Variants in PPP1R37 observed in about 807,000 individuals in gnomAD.
PPP1R37 encodes protein phosphatase 1 regulatory subunit 37.
PPP1R37 carries 21 observed loss-of-function variants against 61.0 expected under a neutral mutation model. The observed-to-expected ratio is 0.34, with a 90% confidence interval of 0.24 to 0.50. The LOEUF (loss-of-function observed/expected upper bound fraction) is 0.50, where lower values mean the gene tolerates loss of function less well. Ranked by LOEUF, PPP1R37 falls within the 20% of genes least tolerant of loss-of-function variation. PPP1R37 has a pLI of 0.98. For synonymous variants in PPP1R37, 443 were observed against 433.5 expected, an observed-to-expected ratio of 1.02 and a Z score of -0.27; for missense variants, 910 against 952.7, an observed-to-expected ratio of 0.96 and a Z score of 0.59.
Position 45,093,286 on chromosome 19 carries a change from G to A in PPP1R37, c.-40G>A. 7.4e-7 allele frequency: 1 copy of A among 1,357,114 alleles called. No homozygotes were observed. Among genetic ancestry groups the A allele is most frequent in the African/African-American group, 1.5e-5 (1 of 64,810 alleles). The allele number at this position is 1,357,114 out of a possible 1,614,324, so 84.1% of individuals were successfully genotyped here. ...CCGGAGAGACAAATCCGGGGCCCGG[G>A]GCATGTCCCCGGGGCCCCCGTGAGG... is the stretch of plus-strand genomic sequence containing the variant. On this transcript the variant is annotated 5_prime_UTR_variant, in exon 1 of 13. Coordinates refer to ENST00000221462, the MANE Select transcript of PPP1R37 (RefSeq NM_019121.2).
chr19:45,130,092 G>A lies in PPP1R37; in HGVS notation c.203-8422G>A, dbSNP rs556276186. On this transcript the variant is annotated intron_variant, in intron 1 of 12. Transcript: ENST00000221462. The surrounding 1 kb of genome is among the most constrained non-coding windows in gnomAD (Gnocchi z 4.4). Reference sequence around the variant, plus strand: ...AAGCAGGGGGATGCCTGGGCTGCAGGCATTGACTCGCCTGTGTCCCACAAC... The same window carrying A: ...AAGCAGGGGGATGCCTGGGCTGCAGACATTGACTCGCCTGTGTCCCACAAC... Among the ~76,000 whole-genome samples the A allele has an allele frequency of 9.9e-5, 15 of 152,238 alleles. No individual in the cohort carries two copies. In the South Asian group the frequency reaches 3.1e-3, roughly 32 times the overall value.
chr19:45,093,653 G>A, intron 1 of PPP1R37, 126 bp downstream of exon 1: 1 of 663,378 alleles, frequency 1.5e-6, no homozygotes, highest in Non-Finnish European at 2.5e-6. Context: ...GGGGACAGTC[G>A]TCAGTTTAGA....
At chr19:45,139,064 C>T (rs1968576187) in intron 2 of PPP1R37, among the ~76,000 whole-genome samples, 2 of 151,894 alleles carry the variant, frequency 1.3e-5, no homozygotes, top group Admixed American at 1.3e-4. Context: ...CATGTGCACG[C>T]CACCATGCCC....
intron 1 of PPP1R37, among the ~76,000 whole-genome samples, chr19:45,127,962 G>A (rs1427455941): frequency 1.1e-4 from 15 of 139,892 alleles, no homozygotes; most frequent in Middle Eastern, 4.1e-3. Flanking sequence ...GCAACAGAGC[G>A]AGACTCCATC....
In PPP1R37 at chr19:45,093,426, C is replaced by G. The variant is rs903839617; in HGVS notation, c.101C>G (p.Pro34Arg). ...GGGTCTCCCAGCCCCGCGTCGCCCC[C>G]CGCCGATGGGCGCCTCAAGGCTGCA... Reference protein sequence around the residue: ...EAGSPSPASPPADGRLKAAAK... With the variant: ...EAGSPSPASPRADGRLKAAAK... The change falls in exon 1 of 13, where the codon CCC (proline) becomes CGC (arginine). Residue 34 changes from proline to arginine, a missense_variant. By Grantham distance (103) the Pro-to-Arg change is moderately radical. Transcript: ENST00000221462. The G allele has an allele frequency of 6.5e-7, 1 of 1,534,994 alleles. No homozygotes were observed. The highest frequency in any genetic ancestry group is 8.7e-7 in the Non-Finnish European group (1 of 1,146,492).
intron 1 of PPP1R37, among the ~76,000 whole-genome samples, chr19:45,105,251 G>A (rs187191760): frequency 7.9e-5 from 12 of 152,296 alleles, no homozygotes; most frequent in East Asian, 7.7e-4. Context: ...GCTTTAGGGA[G>A]GGGAGTACAA....
At position 45,145,677 on chromosome 19, in the gene PPP1R37, G is replaced by A; in HGVS notation, c.1621G>A (p.Gly541Arg). The A allele has an allele frequency of 1.3e-6, 2 of 1,535,078 alleles. No individual in the cohort carries two copies. Among genetic ancestry groups the A allele is most frequent in the Admixed American group, 2.0e-5 (1 of 50,846 alleles). The change falls in exon 11 of 13, where the codon GGG becomes AGG. Residue 541 changes from glycine to arginine, a missense_variant. Around this residue, in one of 3 missense-constraint regions of PPP1R37, gnomAD observed 549 missense variants for 505.1 expected, o/e 1.09. Coordinates refer to ENST00000221462, the MANE Select transcript of PPP1R37 (RefSeq NM_019121.2). ...LVPPTDSLGP[G>R]DRSPPGSPST... ...GCCCCCCACGGACTCCCTGGGCCCT[G>A]GGGACAGGAGTCCCCCAGGCAGCCC...
At chr19:45,123,572 C>T (rs542794232) in intron 1 of PPP1R37, among the ~76,000 whole-genome samples, 5 of 152,288 alleles carry the variant, frequency 3.3e-5, no homozygotes, top group South Asian at 4.1e-4. Context: ...TCCCTCTGTC[C>T]GCTCCCACAG....
chr19:45,127,923 C>T (rs1968427624), intron 1 of PPP1R37, among the ~76,000 whole-genome samples: 2 of 145,950 alleles, frequency 1.4e-5, no homozygotes, highest in South Asian at 4.4e-4. Flanking sequence ...TGCAGTGAGC[C>T]GAGATCGTGC....
chr19:45,093,742 C>A (rs942314846), intron 1 of PPP1R37, among the ~76,000 whole-genome samples: 1 of 152,088 alleles, frequency 6.6e-6, no homozygotes, highest in Non-Finnish European at 1.5e-5. Context: ...CCCCACCCAC[C>A]CGAGACAAAG....
chr19:45,143,170 C>T (rs1782593383), intron 7 of PPP1R37: 2 of 226,738 alleles, frequency 8.8e-6, no homozygotes, highest in Admixed American at 5.2e-5. Context: ...AGAGAGACAA[C>T]GATAAGATGA....
chr19:45,140,944 GC>G (rs1410243547), intron 4 of PPP1R37, among the ~76,000 whole-genome samples: 2 of 152,128 alleles, frequency 1.3e-5, no homozygotes, highest in Non-Finnish European at 2.9e-5. Flanking sequence ...TCTGAGAGCA[GC>G]CTCCCATCAA....
chr19:45,097,654 C>A (rs1457399926), intron 1 of PPP1R37, among the ~76,000 whole-genome samples: 1 of 151,998 alleles, frequency 6.6e-6, no homozygotes, highest in African/African-American at 2.4e-5. Context: ...TCCGGATTCC[C>A]ATCTCCCACA....
At chr19:45,102,884 C>G (rs1035380765) in intron 1 of PPP1R37, among the ~76,000 whole-genome samples, 1 of 152,240 alleles carries the variant, frequency 6.6e-6, no homozygotes, top group Non-Finnish European at 1.5e-5. Flanking sequence ...GAGCCCACGT[C>G]AGGCTCCTGG....
rs1489024712 is a variant in PPP1R37, at chr19:45,107,388, G to A, written c.202+13861G>A. Reference sequence around the variant, plus strand: ...AAGCCAAGGTGGGCAGATCATTTGAGCCCAGGAGTTCGAGACCAGCCTGGA... The same window carrying A: ...AAGCCAAGGTGGGCAGATCATTTGAACCCAGGAGTTCGAGACCAGCCTGGA... On this transcript the variant is annotated intron_variant, in intron 1 of 12. Transcript: ENST00000221462. 2.6e-5 allele frequency among the ~76,000 whole-genome samples: 4 copies of A among 151,986 alleles called. No individual in the cohort carries two copies. In the South Asian group the frequency reaches 8.3e-4, roughly 32 times the overall value.
At chr19:45,119,155 AT>A (rs746814304) in intron 1 of PPP1R37, among the ~76,000 whole-genome samples, 294 of 133,552 alleles carry the variant, frequency 2.2e-3, no homozygotes, top group Middle Eastern at 4.1e-3. Flanking sequence ...CACCCGTCTA[AT>A]TTTTTTTTTT....
chr19:45,144,678 G>A, intron 8 of PPP1R37, 176 bp from the exon 9 acceptor site: 1 of 573,396 alleles, frequency 1.7e-6, no homozygotes, highest in Non-Finnish European at 3.0e-6. Context: ...TCAGGCACAG[G>A]AGGGACTTCA....
In PPP1R37 at chr19:45,145,404, G is replaced by A. The variant is rs144099113; in HGVS notation, c.1348G>A (p.Gly450Ser). 3 of 1,535,402 alleles carry A rather than the reference G, an allele frequency of 2.0e-6. No homozygotes were observed. The highest frequency in any genetic ancestry group is 2.6e-6 in the Non-Finnish European group (3 of 1,146,622). ...QKALLAEIQN[G>S]CKRNLVLARE... ...GGCGCTGCTGGCCGAGATCCAGAAC[G>A]GCTGCAAGCGCAACTTGGTGCTGGC... The change falls in exon 11 of 13, where the codon GGC becomes AGC. Residue 450 changes from glycine (G) to serine (S), a missense_variant. Physicochemically the swap from Gly to Ser is moderately conservative, Grantham distance 56 (BLOSUM62 0). This residue lies in a region of PPP1R37 where 549 missense variants were observed against 505.1 expected (regional missense o/e 1.09). Coordinates refer to ENST00000221462, the MANE Select transcript of PPP1R37 (RefSeq NM_019121.2).
rs1968597400 is a variant in PPP1R37 at position 45,140,535 on chromosome 19, G to A, written c.376G>A (p.Ala126Thr). The change falls in exon 4 of 13, where the codon GCC becomes ACC. Residue 126 changes from alanine (A) to threonine (T), a missense_variant. By Grantham distance (58) the Ala-to-Thr change is moderately conservative. Around this residue, in one of 3 missense-constraint regions of PPP1R37, gnomAD observed 280 missense variants for 382.2 expected, o/e 0.73. Coordinates refer to ENST00000221462, the MANE Select transcript of PPP1R37 (RefSeq NM_019121.2). ...GAAGCTTGACTACAAGACCTGTGAG[G>A]CCCTGGAAGAGGTCTTCAAGAGGCT... ...GEKLDYKTCE[A>T]LEEVFKRLQF... is the part of the protein sequence containing the mutation. The A allele has an allele frequency of 6.5e-6, 10 of 1,535,914 alleles. No individual in the cohort carries two copies. Among genetic ancestry groups the A allele is most frequent in the Non-Finnish European group, 8.7e-6 (10 of 1,146,852 alleles).
Sources: gnomAD v4.1 joint callset for allele counts (sites outside exome capture counted in the v4.1 genomes callset) on GRCh38, gnomAD v4.1.1 for gene constraint, gnomAD v4.1.1 regional missense constraint, Gnocchi (gnomAD v3.1) non-coding constraint, MANE v1.5 for transcripts, NCBI Gene and HGNC (gene_info 2026-07-23, HGNC 2026-07-21) for gene names.